ADCY2: variants seen among roughly 807,000 people sequenced by gnomAD.
ADCY2 encodes adenylate cyclase type 2.
ADCY2 carries 31 observed loss-of-function variants against 125.2 expected under a neutral mutation model. The ratio of observed to expected loss-of-function variants is 0.25; its 90% confidence interval spans 0.19 to 0.33. ADCY2 has a LOEUF of 0.33. ADCY2 is among the 10% of genes least tolerant of loss of function. The probability of loss-of-function intolerance (pLI) is 1.00; values close to 1 mark genes in which losing one functional copy is unlikely to be tolerated. For synonymous variants in ADCY2, 512 were observed against 548.4 expected (o/e 0.93, Z 0.93); for missense variants, 904 against 1,418.2 (o/e 0.64, Z 5.82).
chr5:7,696,036 C>G (rs181647886), intron 6 of ADCY2, among the ~76,000 whole-genome samples, 173 bp downstream of exon 6: 1 of 152,254 alleles, frequency 6.6e-6, no homozygotes, highest in East Asian at 1.9e-4. Context: ...AAACCTGTCT[C>G]AGGGATGAAA....
rs977936842 is a variant in ADCY2, at chr5:7,713,381, C to T, written c.1622+482C>T. On this transcript the variant is annotated intron_variant, in intron 11 of 24. Transcript: ENST00000338316. ...TTGTGGCATATGCCTGTAATCCCAG[C>T]TACTCGGGAGGCTGAGGCATGAGAA... Among the ~76,000 whole-genome samples, 15 of 151,756 alleles carry T rather than the reference C, an allele frequency of 9.9e-5. 1 individual carries two copies. The South Asian group carries it at 2.7e-3, about 27-fold the overall frequency.
At chr5:7,760,223 C>A (rs2126463330) in intron 16 of ADCY2, among the ~76,000 whole-genome samples, 1 of 152,348 alleles carries the variant, frequency 6.6e-6, no homozygotes, top group Middle Eastern at 3.4e-3. Flanking sequence ...GTTTTTCGGG[C>A]TCGACTTTGT....
intron 15 of ADCY2, among the ~76,000 whole-genome samples, chr5:7,750,463 G>A (rs1395729990): frequency 6.6e-6 from 1 of 151,944 alleles, no homozygotes; most frequent in South Asian, 2.1e-4. Context: ...GTTTATTCCT[G>A]TTTTTGTTAA....
At chr5:7,400,517 G>A (rs1411434606) in intron 1 of ADCY2, among the ~76,000 whole-genome samples, 1 of 152,176 alleles carries the variant, frequency 6.6e-6, no homozygotes, top group Non-Finnish European at 1.5e-5. Context: ...ATTATTTGTA[G>A]AGGCCAACCA....
At chr5:7,712,602 A>T (rs1315495814) in intron 10 of ADCY2, among the ~76,000 whole-genome samples, 2 of 152,220 alleles carry the variant, frequency 1.3e-5, no homozygotes, top group African/African-American at 4.8e-5. Context: ...ATAAATCTTA[A>T]AACTCCAGAC....
At chr5:7,653,598 C>T (rs1739178458) in intron 4 of ADCY2, among the ~76,000 whole-genome samples, 1 of 150,450 alleles carries the variant, frequency 6.6e-6, no homozygotes, top group South Asian at 2.1e-4. Flanking sequence ...CAGAGCGAGA[C>T]TCTGTCTTAA....
chr5:7,490,794 T>C (rs1020953169), intron 2 of ADCY2, among the ~76,000 whole-genome samples: 1 of 152,152 alleles, frequency 6.6e-6, no homozygotes, highest in African/African-American at 2.4e-5. Flanking sequence ...AAAGACCACC[T>C]GAACAGACAT....
chr5:7,685,751 G>A (rs1369168716), intron 4 of ADCY2, among the ~76,000 whole-genome samples: 1 of 152,174 alleles, frequency 6.6e-6, no homozygotes, highest in Non-Finnish European at 1.5e-5. Flanking sequence ...TGCTGCAAAG[G>A]AAGATGCGTG....
rs116117405 is a variant in ADCY2, at chr5:7,397,304, C to T, written c.210+798C>T. On this transcript the variant is annotated intron_variant, in intron 1 of 24. Coordinates refer to ENST00000338316, the MANE Select transcript of ADCY2 (RefSeq NM_020546.3). ...ATTTTTCAAGCAGAAATCCTTGGCTCGCTCCCTTGAAAAGTGAGGGGAAGT... is the reference window on the plus strand; with the variant it reads ...ATTTTTCAAGCAGAAATCCTTGGCTTGCTCCCTTGAAAAGTGAGGGGAAGT... Among the ~76,000 whole-genome samples the T allele has an allele frequency of 3.8e-3, 585 of 152,210 alleles. 2 individuals carry two copies. The highest frequency in any genetic ancestry group is 0.013 in the African/African-American group (550 of 41,520).
chr5:7,504,219 C>A (rs886782488), intron 2 of ADCY2, among the ~76,000 whole-genome samples: 1 of 152,110 alleles, frequency 6.6e-6, no homozygotes, highest in Non-Finnish European at 1.5e-5. Context: ...AAATGAAGAA[C>A]CTGTTTGTGA....
At chr5:7,439,024 C>T (rs1740909907) in intron 2 of ADCY2, among the ~76,000 whole-genome samples, 1 of 152,200 alleles carries the variant, frequency 6.6e-6, no homozygotes, top group African/African-American at 2.4e-5. Flanking sequence ...CAAAATGTAC[C>T]AGTACCTGGA....
At chr5:7,425,612 C>T (rs765676233) in intron 2 of ADCY2, among the ~76,000 whole-genome samples, 28 of 152,234 alleles carry the variant, frequency 1.8e-4, no homozygotes, top group Non-Finnish European at 1.0e-4. Context: ...CAACACTTCA[C>T]TAAACTCTGG....
intron 12 of ADCY2, among the ~76,000 whole-genome samples, 164 bp from the exon 13 acceptor site, chr5:7,724,381 T>G (rs1415446943): frequency 6.6e-6 from 1 of 151,708 alleles, no homozygotes; most frequent in African/African-American, 2.4e-5. Context: ...GTATCCAGAT[T>G]CCATATCCAG....
rs540798376 is a variant in ADCY2, at chr5:7,720,040, A to T, written c.1703+2803A>T. ...AAGAAAAAAAAAGACCTTAGTGTAA[A>T]TAAGTAGGGAATCACTTATTGTGAT... On this transcript the variant is annotated intron_variant, in intron 12 of 24. Coordinates refer to ENST00000338316, the MANE Select transcript of ADCY2 (RefSeq NM_020546.3). Among the ~76,000 whole-genome samples, 6 of 152,162 alleles carry T rather than the reference A, an allele frequency of 3.9e-5. No individual in the cohort carries two copies. In the South Asian group the frequency reaches 1.0e-3, roughly 26 times the overall value.
At chr5:7,510,836 C>G (rs1744027281) in intron 2 of ADCY2, among the ~76,000 whole-genome samples, 1 of 152,150 alleles carries the variant, frequency 6.6e-6, no homozygotes, top group Admixed American at 6.5e-5. Context: ...GTGTGTGTGT[C>G]TTTTAGTGAA....
intron 3 of ADCY2, among the ~76,000 whole-genome samples, chr5:7,621,302 C>T (rs1737946286): frequency 6.6e-6 from 1 of 152,170 alleles, no homozygotes; most frequent in African/African-American, 2.4e-5. Flanking sequence ...GTATGGTCTC[C>T]AAGAACTTAA....
At chr5:7,805,538 TC>T (rs780297661) in intron 22 of ADCY2, among the ~76,000 whole-genome samples, 46 of 152,122 alleles carry the variant, frequency 3.0e-4, no homozygotes, top group Non-Finnish European at 5.6e-4. Flanking sequence ...AGACCTCCTT[TC>T]CCCTCAGGAC....
chr5:7,774,522 C>T (rs1003077580), intron 18 of ADCY2, among the ~76,000 whole-genome samples: 1 of 152,182 alleles, frequency 6.6e-6, no homozygotes, highest in African/African-American at 2.4e-5. Flanking sequence ...TGTTACACAT[C>T]TGCAGCAAAA....
intron 19 of ADCY2, among the ~76,000 whole-genome samples, chr5:7,787,940 G>C (rs1744132210): frequency 6.6e-6 from 1 of 152,134 alleles, no homozygotes; most frequent in South Asian, 2.1e-4. Flanking sequence ...TTCATCTCAT[G>C]CTTCACTTTT....
Sources: allele counts gnomAD v4.1 joint callset (sites outside exome capture counted in the v4.1 genomes callset), GRCh38; gene constraint gnomAD v4.1.1; transcripts MANE v1.5; gene names NCBI Gene and HGNC (gene_info 2026-07-23, HGNC 2026-07-21).